The following NKPD1 variants were observed in gnomAD, a reference collection of about 807,000 sequenced individuals.
The protein encoded by NKPD1 is NTPase KAP family P-loop domain containing 1, also known as NTPase KAP family P-loop domain-containing protein 1.
NKPD1 carries 37 observed loss-of-function variants against 42.2 expected under a neutral mutation model. That is an observed-to-expected ratio of 0.88 (90% confidence interval 0.67 to 1.15). The LOEUF (loss-of-function observed/expected upper bound fraction) is 1.15, where lower values mean the gene tolerates loss of function less well. Among genes scored for constraint, NKPD1 ranks in the 50% most tolerant of loss-of-function variants. NKPD1 has a pLI of 0.00. For missense variants in NKPD1, 1,113 were observed against 1,174.6 expected (o/e 0.95, Z 0.77); for synonymous variants, 552 against 536.5 (o/e 1.03, Z -0.40).
At position 45,152,141 on chromosome 19, in the gene NKPD1, G is replaced by A. The variant is rs758293204; in HGVS notation, c.2296C>T (p.Pro766Ser). The change falls in exon 5 of 5, where the codon CCC becomes TCC. Residue 766 changes from proline (P) to serine (S), a missense_variant. Physicochemically the swap from Pro to Ser is moderately conservative, Grantham distance 74. Transcript: ENST00000686631. ...CGGGTAGGGGACTTGGGCGGGCTGG[G>A]CGGCTTGAGCGCGCTGACGGCTCGG... ...LIRAVSALKPPSPPKSPTRDT... is the reference protein window; with the variant it reads ...LIRAVSALKPSSPPKSPTRDT... 11 of 1,600,256 alleles carry A rather than the reference G, an allele frequency of 6.9e-6. No homozygotes were observed. In the Admixed American group the frequency reaches 1.5e-4, roughly 22 times the overall value.
At chr19:45,161,723 G>A (rs1242049680), upstream of NKPD1, among the ~76,000 whole-genome samples, 1 of 152,238 alleles carries the variant, frequency 6.6e-6, no homozygotes, top group East Asian at 1.9e-4. Flanking sequence ...TGCCCTCTGA[G>A]GGGTGAGGGC....
At position 45,158,773 on chromosome 19, in the gene NKPD1, C is replaced by A; in HGVS notation, c.419G>T (p.Gly140Val). ...GCCAGCCGCGGAGGGTAGAGCTGGG[C>A]CACTCCTGGCCATGGCTGGTGCCGT... ...PTTAPAMARSGPALPSAAGVL... is the reference protein window; with the variant it reads ...PTTAPAMARSVPALPSAAGVL... The change falls in exon 3 of 5, where the codon GGC becomes GTC. Residue 140 changes from glycine to valine, a missense_variant. Physicochemically the swap from Gly to Val is moderately radical, Grantham distance 109. Around this residue, in one of 3 missense-constraint regions of NKPD1, gnomAD observed 204 missense variants for 227.8 expected, o/e 0.90. Transcript: ENST00000686631. This position sits in a 1 kb window ranked among gnomAD's most constrained non-coding sequence, Gnocchi z 4.6. The A allele has an allele frequency of 8.1e-7, 1 of 1,237,230 alleles. No individual in the cohort carries two copies. Among genetic ancestry groups the A allele is most frequent in the Non-Finnish European group, 1.0e-6 (1 of 957,940 alleles). The allele number at this position is 1,237,230 out of a possible 1,614,324, so 76.6% of individuals were successfully genotyped here.
At chr19:45,161,472 G>A (rs1402387803), upstream of NKPD1, among the ~76,000 whole-genome samples, 1 of 152,226 alleles carries the variant, frequency 6.6e-6, no homozygotes, top group Non-Finnish European at 1.5e-5. Context: ...AAGGGCAACA[G>A]CACACACATC....
chr19:45,162,132 C>T (rs1047988635), upstream of NKPD1, among the ~76,000 whole-genome samples: 3 of 152,070 alleles, frequency 2.0e-5, no homozygotes, highest in South Asian at 6.2e-4. Flanking sequence ...GATCATGAAG[C>T]GTGGCCCAAT....
chr19:45,160,282 A>G, intron 1 of NKPD1, 61 bp from the exon 2 acceptor site: 1 of 409,264 alleles, frequency 2.4e-6, no homozygotes, highest in Admixed American at 3.7e-5. Context: ...CAGCTTGGAC[A>G]GGGGAAAGGC....
Position 45,154,245 on chromosome 19 carries a change from C to T in NKPD1, c.662-470G>A, listed in dbSNP as rs185806279. 2.7e-3 allele frequency among the ~76,000 whole-genome samples: 414 copies of T among 152,294 alleles called. 3 individuals are homozygous for T. The highest frequency in any genetic ancestry group is 5.6e-3 in the Admixed American group (85 of 15,304). On this transcript the variant is annotated intron_variant, in intron 4 of 4. Coordinates refer to ENST00000686631, the MANE Select transcript of NKPD1 (RefSeq NM_198478.4). ...TACACCCTCGGTCTTATCTTGTTGACTTAACTGCTCCTCCTGCAGGAAGCC... is the reference window on the plus strand; with the variant it reads ...TACACCCTCGGTCTTATCTTGTTGATTTAACTGCTCCTCCTGCAGGAAGCC...
rs1329891678 is a variant in NKPD1 at position 45,152,924 on chromosome 19, C to T, written c.1513G>A (p.Ala505Thr). The change falls in exon 5 of 5, where the codon GCG (alanine) becomes ACG (threonine). Residue 505 changes from alanine to threonine, a missense_variant. By Grantham distance (58) the Ala-to-Thr change is moderately conservative (BLOSUM62 0). Around this residue, in one of 3 missense-constraint regions of NKPD1, gnomAD observed 867 missense variants for 870.1 expected, o/e 1.00. Transcript: ENST00000686631. The part of the protein sequence containing the change: ...PSILAACLES[A>T]GNMKGTADNG... ...TCGGCCGTGCCCTTCATGTTGCCCG[C>T]GCTCTCTAGGCACGCGGCCAGGATG... The T allele has an allele frequency of 6.3e-7, 1 of 1,580,038 alleles. No homozygotes were observed. Among genetic ancestry groups the T allele is most frequent in the Non-Finnish European group, 8.6e-7 (1 of 1,161,064 alleles).
intron 2 of NKPD1, 58 bp downstream of exon 2, chr19:45,160,002 C>T (rs1968976479): frequency 9.9e-7 from 1 of 1,014,124 alleles, no homozygotes; most frequent in Non-Finnish European, 1.4e-6. Context: ...CCTCCATTCA[C>T]TCTGGCTTCC....
intron 4 of NKPD1, among the ~76,000 whole-genome samples, chr19:45,154,010 G>A (rs1968855537): frequency 2.0e-5 from 3 of 152,256 alleles, no homozygotes; most frequent in South Asian, 2.1e-4. Context: ...AGGCTGTGGG[G>A]TCGGGATGGG....
rs193253806 is a variant in NKPD1 at position 45,152,973 on chromosome 19, G to A, written c.1464C>T (p.Ile488=). ...TLLSDSHAPF[I]FILVVDPSIL... is the part of the protein sequence containing the mutation. ...TGCTGGGGTCCACGACCAGGATGAA[G>A]ATGAAGGGCGCGTGGCTGTCGGACA... Residue 488 remains isoleucine (I), a synonymous_variant, in exon 5 of 5, where the codon ATC becomes ATT. Transcript: ENST00000686631. The A allele has an allele frequency of 2.4e-4, 388 of 1,586,134 alleles. No individual in the cohort carries two copies. The highest frequency in any genetic ancestry group is 3.3e-4 in the Middle Eastern group (2 of 6,024).
rs1321039948 is a variant in NKPD1 at position 45,158,335 on chromosome 19, C to T, written c.529+328G>A. Among the ~76,000 whole-genome samples, 1 of 152,228 alleles carries T rather than the reference C, an allele frequency of 6.6e-6. No homozygotes were observed. The highest frequency in any genetic ancestry group is 2.4e-5 in the African/African-American group (1 of 41,460). On this transcript the variant is annotated intron_variant, in intron 3 of 4. Coordinates refer to ENST00000686631, the MANE Select transcript of NKPD1 (RefSeq NM_198478.4). This position sits in a 1 kb window ranked among gnomAD's most constrained non-coding sequence, Gnocchi z 4.6. ...CATCCCTGCCCCATGTACCCTGTAC[C>T]CTGCTGAGCCAGAGGAGGGAGCTGA...
intron 1 of NKPD1, among the ~76,000 whole-genome samples, chr19:45,160,602 G>A (rs574550315): frequency 1.8e-4 from 28 of 152,156 alleles, no homozygotes; most frequent in East Asian, 5.8e-4. Flanking sequence ...AGGACATGGA[G>A]CTAGTGAGGT....
rs1370352578 is a variant in NKPD1, at chr19:45,158,768, C to G, written c.424G>C (p.Ala142Pro). The change falls in exon 3 of 5, where the codon GCT becomes CCT. Residue 142 changes from alanine (A) to proline (P), a missense_variant. By Grantham distance (27) the Ala-to-Pro change is conservative. Transcript: ENST00000686631. The surrounding 1 kb of genome is among the most constrained non-coding windows in gnomAD (Gnocchi z 4.6). The part of the protein sequence containing the change: ...TAPAMARSGP[A>P]LPSAAGVLLK... Reference sequence around the variant, plus strand: ...AGGACGCCAGCCGCGGAGGGTAGAGCTGGGCCACTCCTGGCCATGGCTGGT... The same window carrying G: ...AGGACGCCAGCCGCGGAGGGTAGAGGTGGGCCACTCCTGGCCATGGCTGGT... The G allele has an allele frequency of 8.1e-7, 1 of 1,236,034 alleles. No homozygotes were observed. Among genetic ancestry groups the G allele is most frequent in the Non-Finnish European group, 1.0e-6 (1 of 957,450 alleles). 76.6% of individuals were successfully genotyped at this position (1,236,034 alleles called of 1,614,324 possible).
At chr19:45,159,167 A>G in intron 2 of NKPD1, 67 bp from the exon 3 acceptor site, 2 of 1,225,514 alleles carry the variant, frequency 1.6e-6, no homozygotes, top group Non-Finnish European at 1.0e-6. Context: ...GGCACAAGCC[A>G]GACCAAGTCT....
chr19:45,153,812 G>T (rs550216634), intron 4 of NKPD1, 37 bp from the exon 5 acceptor site: 1 of 1,412,746 alleles, frequency 7.1e-7, no homozygotes, highest in African/African-American at 1.5e-5. Context: ...GTGAGCCGCA[G>T]ACCCGCCGGG....
At position 45,158,902 on chromosome 19, in the gene NKPD1, C is replaced by T. The variant is rs114171059; in HGVS notation, c.290G>A (p.Arg97Gln). 2,012 of 1,293,578 alleles carry T rather than the reference C, an allele frequency of 1.6e-3. 22 individuals are homozygous for T. In the African/African-American group the frequency reaches 0.024, roughly 15 times the overall value. 80.1% of individuals were successfully genotyped at this position (1,293,578 alleles called of 1,614,324 possible). The change falls in exon 3 of 5, where the codon CGG becomes CAG. Residue 97 changes from arginine (R) to glutamine (Q), a missense_variant. Arg to Gln is a conservative substitution (Grantham distance 43). This residue lies in a region of NKPD1 where 204 missense variants were observed against 227.8 expected (regional missense o/e 0.90). Coordinates refer to ENST00000686631, the MANE Select transcript of NKPD1 (RefSeq NM_198478.4). This position sits in a 1 kb window ranked among gnomAD's most constrained non-coding sequence, Gnocchi z 4.6. ...TTCGTGAATGGGGCAGAGCCGCTGCCGCAGGGGGCTGGGAGGTGAGGGCTG... is the reference window on the plus strand; with the variant it reads ...TTCGTGAATGGGGCAGAGCCGCTGCTGCAGGGGGCTGGGAGGTGAGGGCTG... ...QSQPSPPSPLRQRLCPIHEAQ... is the reference protein window; with the variant it reads ...QSQPSPPSPLQQRLCPIHEAQ...
rs1968780596 is a variant in NKPD1, at chr19:45,151,710, A to G, written c.*228T>C. Reference sequence around the variant, plus strand: ...CTCAACACCTCCATTTATTGCATGTATACCCTGACTTCCTCACTGGTCCTT... The same window carrying G: ...CTCAACACCTCCATTTATTGCATGTGTACCCTGACTTCCTCACTGGTCCTT... On this transcript the variant is annotated 3_prime_UTR_variant, in exon 5 of 5. Transcript: ENST00000686631. The G allele has an allele frequency of 2.0e-6, 1 of 497,062 alleles. No homozygotes were observed. 30.8% of individuals were successfully genotyped at this position (497,062 alleles called of 1,614,324 possible).
chr19:45,154,513 G>A (rs552830139), intron 4 of NKPD1, among the ~76,000 whole-genome samples: 1 of 152,350 alleles, frequency 6.6e-6, no homozygotes, highest in South Asian at 2.1e-4. Context: ...AGCAGGAGGA[G>A]TAGGGACTCT....
chr19:45,153,774 C>A lies in NKPD1; in HGVS notation c.663G>T (p.Ala221=). ...RLHMMLDKIT[A]LMQQEAAQRE... is the part of the protein sequence containing the mutation. ...GCTGCGCGGCCTCCTGCTGCATCAG[C>A]GCTGCGGGAAGGGAGCCCGGGAGCC... is the stretch of plus-strand genomic sequence containing the variant. The change falls in exon 5 of 5, where the codon GCG becomes GCT. Residue 221 remains alanine, a splice_region_variant and synonymous_variant. Transcript: ENST00000686631. 1 of 1,465,460 alleles carries A rather than the reference C, an allele frequency of 6.8e-7. No individual in the cohort carries two copies. The highest frequency in any genetic ancestry group is 2.3e-5 in the Admixed American group (1 of 44,196). The allele number at this position is 1,465,460 out of a possible 1,614,324, so 90.8% of individuals were successfully genotyped here. A position where few individuals can be genotyped will look rare whatever the true frequency, so the allele number is the denominator to read the frequency against.
Sources: allele counts gnomAD v4.1 joint callset (sites outside exome capture counted in the v4.1 genomes callset), GRCh38; gene constraint gnomAD v4.1.1; regional missense constraint gnomAD v4.1.1; non-coding constraint Gnocchi (gnomAD v3.1); transcripts MANE v1.5; gene names NCBI Gene and HGNC (gene_info 2026-07-23, HGNC 2026-07-21).